Variants in ADA2 observed in about 807,000 individuals in gnomAD.
The protein encoded by ADA2 is adenosine deaminase 2.
Under a neutral mutation model 44.2 loss-of-function variants are expected in ADA2, and 29 were observed. The ratio of observed to expected loss-of-function variants is 0.66; its 90% confidence interval spans 0.49 to 0.89. ADA2 has a LOEUF of 0.89. Among genes scored for constraint, ADA2 ranks in the 40% least tolerant of loss-of-function variants. The pLI is 0.00. For synonymous variants in ADA2, 215 were observed against 234.9 expected (o/e 0.92, Z 0.77); for missense variants, 637 against 644.8 (o/e 0.99, Z 0.13).
chr22:17,188,507 C>T (rs562538260), intron 6 of ADA2, 60 bp from the exon 7 acceptor site: 43 of 1,148,692 alleles, frequency 3.7e-5, no homozygotes, highest in Middle Eastern at 2.2e-4. Flanking sequence ...TTGCTGATGG[C>T]GCGCCCTGGA....
chr22:17,182,838 C>A, intron 7 of ADA2, 77 bp from the exon 8 acceptor site: 2 of 1,495,900 alleles, frequency 1.3e-6, no homozygotes, highest in Non-Finnish European at 1.8e-6. Flanking sequence ...GTCTGACCCA[C>A]CCGCCCCCCG....
intron 4 of ADA2, chr22:17,199,432 C>CTATCCTCTTCCCCTCCCTCCCCACCTA: frequency 9.7e-7 from 1 of 1,026,976 alleles, no homozygotes; most frequent in South Asian, 1.3e-5. Flanking sequence ...CTCCCCTCCT[C>CTATCCTCTTCCCCTCCCTCCCCACCTA]TATCCTCTTC....
At position 17,213,044 on chromosome 22, in the gene ADA2, C is replaced by G. The variant is rs62239193; in HGVS notation, c.-46-3321G>C. Among the ~76,000 whole-genome samples, 3 of 151,738 alleles carry G rather than the reference C, an allele frequency of 2.0e-5. No individual in the cohort carries two copies. The South Asian group carries it at 6.2e-4, about 32-fold the overall frequency. The stretch of plus-strand genomic sequence containing the variant: ...GGCTCAAGCGATCCTCCTGCCTCTA[C>G]CTCCCGACATTCTGGGATTATAGAT... On this transcript the variant is annotated intron_variant, in intron 1 of 9. Transcript: ENST00000399837.
intron 1 of ADA2, among the ~76,000 whole-genome samples, chr22:17,218,382 T>A (rs2062492838): frequency 6.6e-6 from 1 of 152,200 alleles, no homozygotes; most frequent in African/African-American, 2.4e-5. Context: ...TGGCAGAAGC[T>A]GTACCCCCAA....
chr22:17,198,038 C>CA (rs35766953), intron 4 of ADA2, among the ~76,000 whole-genome samples: 15,897 of 106,474 alleles, frequency 0.15, 1,050 homozygotes, highest in East Asian at 0.35. Flanking sequence ...AACTCCGTCT[C>CA]AAAAAAAAAA....
Position 17,181,395 on chromosome 22 carries a change from T to C in ADA2, c.*88A>G, listed in dbSNP as rs2061966537. The C allele has an allele frequency of 2.2e-6, 2 of 905,352 alleles. No individual in the cohort carries two copies. The highest frequency in any genetic ancestry group is 3.7e-6 in the Non-Finnish European group (2 of 539,056). The allele number at this position is 905,352 out of a possible 1,614,324, so 56.1% of individuals were successfully genotyped here. A position where few individuals can be genotyped will look rare whatever the true frequency, so the allele number is the denominator to read the frequency against. ...CTCCATACAGAGGCCATTGATTTCA[T>C]GGGCACATGGAGCTGATTCAAGAAC... On this transcript the variant is annotated 3_prime_UTR_variant, in exon 10 of 10. Coordinates refer to ENST00000399837, the MANE Select transcript of ADA2 (RefSeq NM_001282225.2).
At position 17,184,174 on chromosome 22, in the gene ADA2, C is replaced by T. The variant is rs372937011; in HGVS notation, c.1082-1413G>A. Reference sequence around the variant, plus strand: ...AGAGACAGGGTTTCACTGTGTTAGCCAGGATGGTCTCGATCACCTGACCTT... The same window carrying T: ...AGAGACAGGGTTTCACTGTGTTAGCTAGGATGGTCTCGATCACCTGACCTT... On this transcript the variant is annotated intron_variant, in intron 7 of 9. Transcript: ENST00000399837. 2.7e-3 allele frequency among the ~76,000 whole-genome samples: 408 copies of T among 151,418 alleles called. 2 individuals carry two copies. The highest frequency in any genetic ancestry group is 9.4e-3 in the African/African-American group (388 of 41,230).
chr22:17,203,825 C>T (rs2062321416), intron 3 of ADA2, 52 bp from the exon 4 acceptor site: 3 of 1,287,660 alleles, frequency 2.3e-6, no homozygotes, highest in African/African-American at 1.5e-5. Context: ...AGGACACTGC[C>T]CCCGGGCGCC....
chr22:17,204,432 C>T (rs1601455714), intron 3 of ADA2, among the ~76,000 whole-genome samples: 2 of 152,092 alleles, frequency 1.3e-5, no homozygotes, highest in Admixed American at 1.3e-4. Flanking sequence ...GCCTGGCCAA[C>T]ATAGTGAAAC....
At chr22:17,203,838 T>A in intron 3 of ADA2, 65 bp from the exon 4 acceptor site, 1 of 1,060,898 alleles carries the variant, frequency 9.4e-7, no homozygotes, top group Non-Finnish European at 1.4e-6. Context: ...CGGGCGCCCA[T>A]AGGACTGCTA....
At chr22:17,188,250 G>A (rs757020211) in intron 7 of ADA2, 89 bp downstream of exon 7, 2 of 889,912 alleles carry the variant, frequency 2.2e-6, no homozygotes, top group Non-Finnish European at 1.8e-6. Context: ...GGAAACGCCT[G>A]TAGGCTCTAA....
chr22:17,219,208 G>A (rs2062501571), intron 1 of ADA2, 148 bp downstream of exon 1: 1 of 152,264 alleles, frequency 6.6e-6, no homozygotes, highest in Non-Finnish European at 1.5e-5. Flanking sequence ...AGCCTGTTGG[G>A]AGAAAGCCTG....
At chr22:17,214,172 G>T (rs2062447468) in intron 1 of ADA2, 1 of 658,492 alleles carries the variant, frequency 1.5e-6, no homozygotes, top group Non-Finnish European at 2.7e-6. Flanking sequence ...CCTGCCCCCA[G>T]TAGGGAGCAG....
At chr22:17,186,665 T>C (rs1165754854) in intron 7 of ADA2, among the ~76,000 whole-genome samples, 1 of 151,456 alleles carries the variant, frequency 6.6e-6, no homozygotes, top group African/African-American at 2.4e-5. Context: ...GGTCAGGAGT[T>C]CAAGACCAGC....
intron 4 of ADA2, among the ~76,000 whole-genome samples, chr22:17,200,067 C>T (rs746633500): frequency 1.8e-4 from 28 of 152,092 alleles, no homozygotes; most frequent in Non-Finnish European, 3.2e-4. Context: ...CGGTGGTGTA[C>T]ACCTGTAATC....
intron 4 of ADA2, among the ~76,000 whole-genome samples, chr22:17,202,350 G>T (rs1288794693): frequency 1.3e-5 from 2 of 151,796 alleles, no homozygotes; most frequent in African/African-American, 4.8e-5. Context: ...GGATGGTCTC[G>T]ATCTCGACCT....
intron 7 of ADA2, 79 bp from the exon 8 acceptor site, chr22:17,182,840 C>A: frequency 6.8e-7 from 1 of 1,481,470 alleles, no homozygotes. Context: ...CTGACCCACC[C>A]GCCCCCCGAC....
At chr22:17,204,964 T>C (rs1390448647) in intron 3 of ADA2, among the ~76,000 whole-genome samples, 1 of 151,772 alleles carries the variant, frequency 6.6e-6, no homozygotes, top group Non-Finnish European at 1.5e-5. Flanking sequence ...TCTGGTTAAT[T>C]TTTTATTTTT....
At chr22:17,197,001 C>T (rs543734226) in intron 4 of ADA2, among the ~76,000 whole-genome samples, 1 of 152,084 alleles carries the variant, frequency 6.6e-6, no homozygotes, top group Non-Finnish European at 1.5e-5. Context: ...GGCGAAACCC[C>T]GTCTCTACTA....
Sources: gnomAD v4.1 joint callset for allele counts (sites outside exome capture counted in the v4.1 genomes callset) on GRCh38, gnomAD v4.1.1 for gene constraint, MANE v1.5 for transcripts, NCBI Gene and HGNC (gene_info 2026-07-23, HGNC 2026-07-21) for gene names.